TEX35: variants seen among roughly 807,000 people sequenced by gnomAD.
The protein encoded by TEX35 is testis-expressed protein 35.
TEX35 carries 26 observed loss-of-function variants against 31.9 expected under a neutral mutation model. The observed-to-expected ratio is 0.81, with a 90% CI of 0.60 to 1.13. The LOEUF is 1.13. Among genes scored for constraint, TEX35 ranks in the 50% most tolerant of loss-of-function variants. The probability of loss-of-function intolerance (pLI) is 0.00; values close to 1 mark genes in which losing one functional copy is unlikely to be tolerated. For synonymous variants in TEX35, 87 were observed against 90.7 expected (o/e 0.96, Z 0.23); for missense variants, 278 against 273.5 (o/e 1.02, Z -0.12).
At chr1:178,513,479 T>C (rs1649949062) in intron 1 of TEX35, among the ~76,000 whole-genome samples, 1 of 152,222 alleles carries the variant, frequency 6.6e-6, no homozygotes, top group African/African-American at 2.4e-5. Flanking sequence ...CACTCCCTAC[T>C]CCAAGACCAC....
rs778734477 is a variant in TEX35, at chr1:178,514,138, A to G, written c.90+61A>G. 2.5e-6 allele frequency: 4 copies of G among 1,613,438 alleles called. No homozygotes were observed. The South Asian group carries it at 4.4e-5, about 18-fold the overall frequency. Reference sequence around the variant, plus strand: ...GCCTGAGATCCATGGGGAAGTGACCAGGAGTCAGGGGTCATTTGCTGATCC... The same window carrying G: ...GCCTGAGATCCATGGGGAAGTGACCGGGAGTCAGGGGTCATTTGCTGATCC... On this transcript the variant is annotated intron_variant, in intron 2 of 8. Coordinates refer to ENST00000319416, the MANE Select transcript of TEX35 (RefSeq NM_032126.5).
intron 5 of TEX35, among the ~76,000 whole-genome samples, chr1:178,519,472 G>GGTTTTT (rs1232714724): frequency 6.6e-6 from 1 of 152,096 alleles, no homozygotes; most frequent in Non-Finnish European, 1.5e-5. Flanking sequence ...CTGATGTTTT[G>GGTTTTT]GACCTAGGGG....
intron 8 of TEX35, 192 bp downstream of exon 8, chr1:178,521,456 C>G: frequency 9.8e-7 from 1 of 1,015,354 alleles, no homozygotes; most frequent in Non-Finnish European, 1.5e-6. Context: ...ACTTGGGTCA[C>G]CCAGCCTAGA....
intron 5 of TEX35, among the ~76,000 whole-genome samples, chr1:178,519,343 C>T (rs750743210): frequency 1.5e-4 from 23 of 152,090 alleles, no homozygotes; most frequent in Non-Finnish European, 2.6e-4. Context: ...AAAGTGGTGA[C>T]GATGACAATG....
intron 8 of TEX35, 103 bp downstream of exon 8, chr1:178,521,367 T>C: frequency 7.3e-7 from 1 of 1,363,256 alleles, no homozygotes; most frequent in Non-Finnish European, 1.1e-6. Context: ...CTCCTGAGGT[T>C]GTGCCAGGAG....
rs1649989960 is a variant in TEX35, at chr1:178,514,304, C to T, written c.90+227C>T. 2.0e-5 allele frequency: 28 copies of T among 1,426,080 alleles called. No individual in the cohort carries two copies. The South Asian group carries it at 3.9e-4, about 20-fold the overall frequency. 88.3% of individuals were successfully genotyped at this position (1,426,080 alleles called of 1,614,324 possible). On this transcript the variant is annotated intron_variant, in intron 2 of 8. Coordinates refer to ENST00000319416, the MANE Select transcript of TEX35 (RefSeq NM_032126.5). ...TTACCTGCTCTGCTGGGAATCAAGA[C>T]AGGGAGACATGTCTGAGTGGCTGCC... is the stretch of plus-strand genomic sequence containing the variant.
At chr1:178,520,291 A>G in intron 5 of TEX35, 81 bp from the exon 6 acceptor site, 2 of 1,404,148 alleles carry the variant, frequency 1.4e-6, no homozygotes, top group East Asian at 2.3e-5. Flanking sequence ...TAAGATGCAG[A>G]ATGGTTTGCA....
chr1:178,522,010 C>A (rs753772717), intron 8 of TEX35: 2 of 715,790 alleles, frequency 2.8e-6, no homozygotes, highest in African/African-American at 1.8e-5. Flanking sequence ...GCAAACGTCC[C>A]AGGTCATAGC....
At chr1:178,515,562 CATTAATTA>C (rs778839622) in intron 3 of TEX35, among the ~76,000 whole-genome samples, 2 of 151,838 alleles carry the variant, frequency 1.3e-5, no homozygotes, top group East Asian at 3.9e-4. Context: ...CTTTTTAAAA[CATTAATTA>C]ATTAATTAAT....
intron 3 of TEX35, 74 bp downstream of exon 3, chr1:178,514,842 C>T: frequency 7.8e-7 from 1 of 1,279,532 alleles, no homozygotes; most frequent in Non-Finnish European, 1.1e-6. Context: ...ATCCTCAGTG[C>T]CTGTTTCCTA....
At chr1:178,521,632 C>A (rs540657077) in intron 8 of TEX35, 1 of 1,552,330 alleles carries the variant, frequency 6.4e-7, no homozygotes, top group Non-Finnish European at 8.7e-7. Flanking sequence ...TTTATCTGTA[C>A]CTCAACCCCG....
At chr1:178,522,705 A>G, downstream of TEX35, 1 of 1,121,234 alleles carries the variant, frequency 8.9e-7, no homozygotes, top group Non-Finnish European at 1.1e-6. Flanking sequence ...TAGTAGGTGT[A>G]TATATTTATG....
At chr1:178,519,855 C>T (rs1333977369) in intron 5 of TEX35, among the ~76,000 whole-genome samples, 2 of 152,112 alleles carry the variant, frequency 1.3e-5, no homozygotes, top group Admixed American at 6.5e-5. Flanking sequence ...TTTATTATTC[C>T]TTCTGTTCTG....
rs551389902 is a variant in TEX35 at position 178,520,655 on chromosome 1, C to A, written c.342-18C>A. 6.2e-7 allele frequency: 1 copy of A among 1,612,540 alleles called. No individual in the cohort carries two copies. Among genetic ancestry groups the A allele is most frequent in the African/African-American group, 1.3e-5 (1 of 75,008 alleles). On this transcript the variant is annotated intron_variant, in intron 6 of 8. Transcript: ENST00000319416. ...TGTCTCCCCAACTCTCTGCCCCTCCCTGGCCCTCCTCCCCCAGTCCCCTTA... is the reference window on the plus strand; with the variant it reads ...TGTCTCCCCAACTCTCTGCCCCTCCATGGCCCTCCTCCCCCAGTCCCCTTA...
At position 178,516,687 on chromosome 1, in the gene TEX35, T is replaced by A; in HGVS notation, c.276+13T>A. On this transcript the variant is annotated intron_variant, in intron 5 of 8. Coordinates refer to ENST00000319416, the MANE Select transcript of TEX35 (RefSeq NM_032126.5). ...GGAAATTATGAAGGTAAGCATTACT[T>A]GAGTGCCTTCCATGGGCCAGTACCA... The A allele has an allele frequency of 6.3e-7, 1 of 1,598,970 alleles. No homozygotes were observed.
chr1:178,515,869 G>C lies in TEX35; in HGVS notation c.170G>C (p.Arg57Thr), dbSNP rs749751931. The stretch of plus-strand genomic sequence containing the variant: ...ATTTTATTTCCTCAGAATGAACTCA[G>C]GGAAGTGAGAGAAGAGCTCAAGGAG... The part of the protein sequence containing the change: ...GVTQDLKNEL[R>T]EVREELKEKM... Residue 57 changes from arginine to threonine, a missense_variant, in exon 4 of 9, where the codon AGG (arginine) becomes ACG (threonine). Transcript: ENST00000319416. The C allele has an allele frequency of 1.9e-6, 3 of 1,611,884 alleles. No individual in the cohort carries two copies. Among genetic ancestry groups the C allele is most frequent in the African/African-American group, 1.3e-5 (1 of 74,870 alleles).
chr1:178,516,495 T>C (rs1342153779), intron 4 of TEX35, 120 bp from the exon 5 acceptor site: 1 of 803,384 alleles, frequency 1.2e-6, no homozygotes, highest in East Asian at 2.5e-5. Context: ...TAACAGGCCA[T>C]TATTAGTCCA....
chr1:178,520,869 T>C lies in TEX35; in HGVS notation c.538T>C (p.Cys180Arg). ...GGATCCCCTTCATCACTGTGGGACC[T>C]GCTGCGTAAGTGAAACCCTGCCCGA... ...SLDPLHHCGT[C>R]CEKCLLCALK... The change falls in exon 7 of 9, where the codon TGC (cysteine) becomes CGC (arginine). Residue 180 changes from cysteine (C) to arginine (R), a missense_variant. By Grantham distance (180) the Cys-to-Arg change is radical (BLOSUM62 -3). Coordinates refer to ENST00000319416, the MANE Select transcript of TEX35 (RefSeq NM_032126.5). The C allele has an allele frequency of 1.2e-6, 2 of 1,614,104 alleles. No individual in the cohort carries two copies. The highest frequency in any genetic ancestry group is 1.1e-5 in the South Asian group (1 of 91,064).
chr1:178,522,015 C>CAT, intron 8 of TEX35: 1 of 708,068 alleles, frequency 1.4e-6, no homozygotes, highest in South Asian at 2.0e-5. Context: ...CGTCCCAGGT[C>CAT]ATAGCATGGG....
Sources: allele counts gnomAD v4.1 joint callset (sites outside exome capture counted in the v4.1 genomes callset), GRCh38; gene constraint gnomAD v4.1.1; transcripts MANE v1.5; gene names NCBI Gene and HGNC (gene_info 2026-07-23, HGNC 2026-07-21).